IL1RAPL2: variants seen among roughly 807,000 people sequenced by gnomAD.
IL1RAPL2 encodes the protein interleukin 1 receptor accessory protein like 2.
In IL1RAPL2, 3 loss-of-function variants were observed where a neutral mutation model predicts 44.1. The observed-to-expected ratio is 0.07, with a 90% CI of 0.03 to 0.18. The LOEUF (loss-of-function observed/expected upper bound fraction) is 0.18. Ranked by LOEUF, IL1RAPL2 falls within the 10% of genes least tolerant of loss-of-function variation. The pLI is 1.00. For missense variants in IL1RAPL2, 391 were observed against 496.4 expected (o/e 0.79, Z 2.02); for synonymous variants, 181 against 178.8 (o/e 1.01, Z -0.10).
At chrX:104,570,530 A>T (rs965196302) in intron 1 of IL1RAPL2, among the ~76,000 whole-genome samples, 1 of 111,536 alleles carries the variant, frequency 9.0e-6, no homozygotes, top group African/African-American at 3.3e-5. Context: ...CCTCTATTTT[A>T]AAAATGTGTC....
At chrX:105,148,474 A>G (rs1370479809) in intron 2 of IL1RAPL2, among the ~76,000 whole-genome samples, 5 of 111,908 alleles carry the variant, frequency 4.5e-5, no homozygotes, top group Non-Finnish European at 9.4e-5. Flanking sequence ...GTTTTAAAAA[A>G]ATTTCCAGCA....
At chrX:104,910,085 C>G in intron 2 of IL1RAPL2, among the ~76,000 whole-genome samples, 1 of 112,474 alleles carries the variant, frequency 8.9e-6, no homozygotes, top group South Asian at 3.7e-4. Context: ...GTCGGAAAAG[C>G]GCAGTATTCG....
chrX:105,199,916 A>G (rs1556144708), intron 3 of IL1RAPL2, among the ~76,000 whole-genome samples: 1 of 111,662 alleles, frequency 9.0e-6, no homozygotes, highest in Non-Finnish European at 1.9e-5. Flanking sequence ...AGATACATAA[A>G]TCTATTCCAG....
chrX:105,032,229 A>C (rs1370078657), intron 2 of IL1RAPL2, among the ~76,000 whole-genome samples: 2 of 108,309 alleles, frequency 1.8e-5, no homozygotes, highest in Non-Finnish European at 3.8e-5. Context: ...TATTTCCTTC[A>C]GTTCTGCTCT....
Position 105,482,808 on chromosome X carries a change from A to G in IL1RAPL2, c.698-1505A>G, listed in dbSNP as rs768936501. Among the ~76,000 whole-genome samples, 43 of 111,228 alleles carry G rather than the reference A, an allele frequency of 3.9e-4. 1 individual carries two copies. Among genetic ancestry groups the G allele is most frequent in the Non-Finnish European group, 7.5e-4 (40 of 53,004 alleles). The stretch of plus-strand genomic sequence containing the variant: ...AATCATTATAGCACAATCCTATGCT[A>G]TTCCTCCTGTGAATTATAAAGAAGT... On this transcript the variant is annotated intron_variant, in intron 5 of 10. Transcript: ENST00000372582.
At chrX:104,922,892 G>A (rs1025740727) in intron 2 of IL1RAPL2, among the ~76,000 whole-genome samples, 1 of 111,480 alleles carries the variant, frequency 9.0e-6, no homozygotes, top group African/African-American at 3.3e-5. Context: ...AAAGGAAAGT[G>A]GAGAACCAAC....
chrX:105,391,339 T>C (rs1040835926), intron 5 of IL1RAPL2, among the ~76,000 whole-genome samples: 4 of 110,566 alleles, frequency 3.6e-5, no homozygotes, highest in South Asian at 3.9e-4. Context: ...AAGATAAAGA[T>C]GAACAGACAC....
intron 5 of IL1RAPL2, among the ~76,000 whole-genome samples, chrX:105,298,593 T>C (rs183026119): frequency 3.8e-3 from 417 of 110,732 alleles, no homozygotes; most frequent in Non-Finnish European, 6.1e-3. Context: ...AAATAAAAGA[T>C]ATATATGAAT....
At chrX:104,961,942 C>A (rs975405003) in intron 2 of IL1RAPL2, among the ~76,000 whole-genome samples, 1 of 112,285 alleles carries the variant, frequency 8.9e-6, no homozygotes, top group African/African-American at 3.2e-5. Flanking sequence ...ACACCACTGG[C>A]CTCCTGGAGA....
chrX:104,918,527 G>T (rs747311548), intron 2 of IL1RAPL2, among the ~76,000 whole-genome samples: 16 of 111,919 alleles, frequency 1.4e-4, no homozygotes, highest in African/African-American at 4.9e-4. Flanking sequence ...CATTTGGAGA[G>T]GTGCAGGGCA....
intron 2 of IL1RAPL2, among the ~76,000 whole-genome samples, chrX:104,891,702 G>T (rs966906679): frequency 2.7e-5 from 3 of 111,862 alleles, no homozygotes; most frequent in East Asian, 2.8e-4. Context: ...GGGCTGAAAT[G>T]ATGGAGTTTT....
chrX:105,059,079 A>C (rs1602927737), intron 2 of IL1RAPL2, among the ~76,000 whole-genome samples: 1 of 112,248 alleles, frequency 8.9e-6, no homozygotes, highest in Admixed American at 9.4e-5. Flanking sequence ...GGCAAATAGA[A>C]TATCCATCAC....
intron 1 of IL1RAPL2, among the ~76,000 whole-genome samples, chrX:104,579,647 GCACTAGCCTTAGTA>G (rs1268047417): frequency 1.8e-5 from 2 of 111,479 alleles, no homozygotes; most frequent in Non-Finnish European, 3.8e-5. Context: ...TACTCATCAG[GCACTAGCCTTAGTA>G]CCTGGGTGAC....
At chrX:105,056,887 G>A (rs149077396) in intron 2 of IL1RAPL2, among the ~76,000 whole-genome samples, 3 of 110,613 alleles carry the variant, frequency 2.7e-5, no homozygotes, top group South Asian at 3.9e-4. Flanking sequence ...AGCTAGTATC[G>A]GGAATTCATA....
intron 2 of IL1RAPL2, among the ~76,000 whole-genome samples, chrX:104,861,294 C>G (rs745306450): frequency 2.8e-4 from 31 of 111,853 alleles, no homozygotes; most frequent in African/African-American, 1.0e-3. Flanking sequence ...TGCTTACTAA[C>G]AAATGTTTAT....
chrX:105,086,937 T>TA (rs1005810311), intron 2 of IL1RAPL2, among the ~76,000 whole-genome samples: 15 of 110,132 alleles, frequency 1.4e-4, no homozygotes, highest in Non-Finnish European at 2.5e-4. Context: ...GGTACTAGGG[T>TA]ACCAGTGTTT....
At chrX:105,620,046 A>G (rs1428396288) in intron 6 of IL1RAPL2, among the ~76,000 whole-genome samples, 1 of 110,890 alleles carries the variant, frequency 9.0e-6, no homozygotes, top group East Asian at 2.9e-4. Flanking sequence ...GTTATGGAGA[A>G]CAGTGTTTGT....
At chrX:105,106,187 G>A (rs1370863651) in intron 2 of IL1RAPL2, among the ~76,000 whole-genome samples, 4 of 111,419 alleles carry the variant, frequency 3.6e-5, no homozygotes, top group African/African-American at 1.3e-4. Context: ...ATATAAAAAG[G>A]TTATGGCACC....
At chrX:105,688,125 C>T (rs753344562) in intron 6 of IL1RAPL2, among the ~76,000 whole-genome samples, 113 of 111,427 alleles carry the variant, frequency 1.0e-3, no homozygotes, top group South Asian at 6.0e-3. Flanking sequence ...ATACTGAATG[C>T]GCAAAAACTA....
Sources: gnomAD v4.1 joint callset for allele counts (sites outside exome capture counted in the v4.1 genomes callset) on GRCh38, gnomAD v4.1.1 for gene constraint, MANE v1.5 for transcripts, NCBI Gene and HGNC (gene_info 2026-07-23, HGNC 2026-07-21) for gene names.